TMEM62: variants seen among roughly 807,000 people sequenced by gnomAD.
The protein encoded by TMEM62 is transmembrane protein 62.
TMEM62 carries 41 observed loss-of-function variants against 70.4 expected under a neutral mutation model. The observed-to-expected ratio is 0.58, with a 90% CI of 0.45 to 0.76. The LOEUF is 0.76. TMEM62 is among the 30% of genes least tolerant of loss of function. The pLI is 0.00. For missense variants in TMEM62, 688 were observed against 788.5 expected (o/e 0.87, Z 1.53); for synonymous variants, 268 against 291.0 (o/e 0.92, Z 0.80).
intron 4 of TMEM62, among the ~76,000 whole-genome samples, chr15:43,145,485 G>A (rs887672880): frequency 2.6e-5 from 4 of 152,084 alleles, no homozygotes; most frequent in African/African-American, 9.7e-5. Context: ...GATTACAGGC[G>A]GGAGCCACCG....
intron 11 of TMEM62, among the ~76,000 whole-genome samples, chr15:43,171,101 C>T (rs111650725): frequency 0.014 from 2,099 of 152,176 alleles, 41 homozygotes; most frequent in African/African-American, 0.048. Flanking sequence ...TGTGGGAGGC[C>T]GAGACGGGCA....
Position 43,160,691 on chromosome 15 carries a change from G to A in TMEM62, c.1193G>A (p.Gly398Glu), listed in dbSNP as rs141445729. ...TGTGGTTATTACTAGGATTCTGCTGGAAGAAGTAAGAGTGTTCACCACATA... is the reference window on the plus strand; with the variant it reads ...TGTGGTTATTACTAGGATTCTGCTGAAAGAAGTAAGAGTGTTCACCACATA... Reference protein sequence around the residue: ...NIEVIVQDSAGRSKSVHHIFS... With the variant: ...NIEVIVQDSAERSKSVHHIFS... Residue 398 changes from glycine (G) to glutamate (E), a missense_variant, in exon 10 of 14, where the codon GGA becomes GAA. Coordinates refer to ENST00000260403, the MANE Select transcript of TMEM62 (RefSeq NM_024956.4). The A allele has an allele frequency of 5.0e-6, 8 of 1,596,076 alleles. No individual in the cohort carries two copies. The highest frequency in any genetic ancestry group is 6.8e-6 in the Non-Finnish European group (8 of 1,168,436).
At chr15:43,159,531 A>G (rs1185530159) in intron 9 of TMEM62, among the ~76,000 whole-genome samples, 1 of 152,208 alleles carries the variant, frequency 6.6e-6, no homozygotes, top group African/African-American at 2.4e-5. Context: ...TACTTAACAT[A>G]GTGGTCTCCA....
In TMEM62 at chr15:43,134,352, T is replaced by G. The variant is rs2034884774; in HGVS notation, c.276T>G (p.Ala92=). 6.2e-7 allele frequency: 1 copy of G among 1,613,844 alleles called. No individual in the cohort carries two copies. The highest frequency in any genetic ancestry group is 8.5e-7 in the Non-Finnish European group (1 of 1,179,808). Residue 92 remains alanine, a synonymous_variant, in exon 2 of 14, where the codon GCT becomes GCG. Coordinates refer to ENST00000260403, the MANE Select transcript of TMEM62 (RefSeq NM_024956.4). ...AAACTATTGACATCATTCAACCAGC[T>G]CTCGTCCTAGCAACAGGTAGGGAGG... The part of the protein sequence containing the change: ...CSETIDIIQP[A]LVLATGDLTD...
At chr15:43,156,957 T>C (rs768582129) in intron 9 of TMEM62, among the ~76,000 whole-genome samples, 3 of 152,186 alleles carry the variant, frequency 2.0e-5, no homozygotes, top group South Asian at 2.1e-4. Context: ...CTTATATGTA[T>C]AACTTTAAAC....
At chr15:43,167,095 C>T (rs1437504670) in intron 10 of TMEM62, among the ~76,000 whole-genome samples, 1 of 152,136 alleles carries the variant, frequency 6.6e-6, no homozygotes, top group East Asian at 1.9e-4. Flanking sequence ...GGGCTCCTCA[C>T]TTCCCAGTAG....
chr15:43,181,007 C>A, intron 12 of TMEM62, 174 bp from the exon 13 acceptor site: 1 of 578,016 alleles, frequency 1.7e-6, no homozygotes. Context: ...AGTTGGTTAG[C>A]AAGGATATCA....
intron 13 of TMEM62, among the ~76,000 whole-genome samples, chr15:43,182,842 G>GT (rs1432382313): frequency 6.6e-6 from 1 of 152,124 alleles, no homozygotes; most frequent in East Asian, 1.9e-4. Flanking sequence ...AAAAGGCAGG[G>GT]TTTTTTCCTT....
intron 11 of TMEM62, among the ~76,000 whole-genome samples, chr15:43,176,615 G>A (rs2142056945): frequency 6.6e-6 from 1 of 151,200 alleles, no homozygotes. Context: ...CAGACCTGCA[G>A]CTGAGGGTCC....
chr15:43,137,196 T>C (rs1436940865), intron 3 of TMEM62, among the ~76,000 whole-genome samples: 1 of 152,268 alleles, frequency 6.6e-6, no homozygotes, highest in Non-Finnish European at 1.5e-5. Context: ...TTGTTTGATT[T>C]ATAAAGGTTG....
At chr15:43,169,732 T>G in intron 11 of TMEM62, 55 bp downstream of exon 11, 1 of 1,444,336 alleles carries the variant, frequency 6.9e-7, no homozygotes, top group Non-Finnish European at 9.6e-7. Flanking sequence ...AAAACCAAAC[T>G]CCGTAAAATA....
At chr15:43,137,834 A>G (rs1489989811) in intron 3 of TMEM62, among the ~76,000 whole-genome samples, 1 of 152,248 alleles carries the variant, frequency 6.6e-6, no homozygotes, top group Non-Finnish European at 1.5e-5. Context: ...TCATGGGGGC[A>G]GCCATTTCCC....
rs1462953998 is a variant in TMEM62, at chr15:43,151,982, A to G, written c.1022+37A>G. 2.6e-6 allele frequency: 4 copies of G among 1,531,158 alleles called. 1 individual carries two copies. The highest frequency in any genetic ancestry group is 2.4e-5 in the South Asian group (2 of 83,158). 94.8% of individuals were successfully genotyped at this position (1,531,158 alleles called of 1,614,324 possible). A position where few individuals can be genotyped will look rare whatever the true frequency, so the allele number is the denominator to read the frequency against. On this transcript the variant is annotated intron_variant, in intron 8 of 13. Transcript: ENST00000260403. ...TTTTTTAGAATTTACTTTCAGTTTG[A>G]TAATGAAGGAGAATAAGTCATTGTG...
intron 11 of TMEM62, among the ~76,000 whole-genome samples, chr15:43,174,385 C>T (rs1374059905): frequency 6.6e-6 from 1 of 152,108 alleles, no homozygotes; most frequent in South Asian, 2.1e-4. Context: ...CAGTACACAT[C>T]CTACTGAATG....
At chr15:43,159,204 G>A (rs2038391759) in intron 9 of TMEM62, among the ~76,000 whole-genome samples, 1 of 152,162 alleles carries the variant, frequency 6.6e-6, no homozygotes, top group Non-Finnish European at 1.5e-5. Context: ...GGAAAATGGA[G>A]TATCCACCCT....
chr15:43,159,641 T>A lies in TMEM62; in HGVS notation c.1183-1040T>A, dbSNP rs193155293. 3.3e-5 allele frequency among the ~76,000 whole-genome samples: 5 copies of A among 152,312 alleles called. No homozygotes were observed. The East Asian group carries it at 9.7e-4, about 29-fold the overall frequency. ...ATACCTCATTTTCTTTATCCATTCATCTGTTGATGGACACTTAGGTTGCTT... is the reference window on the plus strand; with the variant it reads ...ATACCTCATTTTCTTTATCCATTCAACTGTTGATGGACACTTAGGTTGCTT... On this transcript the variant is annotated intron_variant, in intron 9 of 13. Transcript: ENST00000260403.
Position 43,133,757 on chromosome 15 carries a change from G to A in TMEM62, c.-46G>A. 1 of 1,304,510 alleles carries A rather than the reference G, an allele frequency of 7.7e-7. No individual in the cohort carries two copies. The highest frequency in any genetic ancestry group is 9.7e-7 in the Non-Finnish European group (1 of 1,026,386). 80.8% of individuals were successfully genotyped at this position (1,304,510 alleles called of 1,614,324 possible). A position where few individuals can be genotyped will look rare whatever the true frequency, so the allele number is the denominator to read the frequency against. On this transcript the variant is annotated 5_prime_UTR_variant, in exon 1 of 14. Coordinates refer to ENST00000260403, the MANE Select transcript of TMEM62 (RefSeq NM_024956.4). ...AAGCGGCTCCCGGGAGCGCCGCGCGGTCCTGCGCGGGATCAGCGAGGGCCG... is the reference window on the plus strand; with the variant it reads ...AAGCGGCTCCCGGGAGCGCCGCGCGATCCTGCGCGGGATCAGCGAGGGCCG...
At chr15:43,182,945 G>C (rs191083444) in intron 13 of TMEM62, among the ~76,000 whole-genome samples, 39 of 152,212 alleles carry the variant, frequency 2.6e-4, no homozygotes, top group Admixed American at 2.4e-3. Flanking sequence ...CTATATCTCT[G>C]ATCTAGACCT....
In TMEM62 at chr15:43,133,789, G is replaced by A; in HGVS notation, c.-14G>A. The A allele has an allele frequency of 7.4e-7, 1 of 1,356,012 alleles. No homozygotes were observed. The allele number at this position is 1,356,012 out of a possible 1,614,324, so 84.0% of individuals were successfully genotyped here. On this transcript the variant is annotated 5_prime_UTR_variant, in exon 1 of 14. Coordinates refer to ENST00000260403, the MANE Select transcript of TMEM62 (RefSeq NM_024956.4). ...GCGGGATCAGCGAGGGCCGCGCCCC[G>A]GCGGGCGGGCGGCATGGCTGCAGTG...
Sources: allele counts gnomAD v4.1 joint callset (sites outside exome capture counted in the v4.1 genomes callset), GRCh38; gene constraint gnomAD v4.1.1; transcripts MANE v1.5; gene names NCBI Gene and HGNC (gene_info 2026-07-23, HGNC 2026-07-21).